The following CACNA2D2 variants were observed in gnomAD, a reference collection of about 807,000 sequenced individuals.
The protein encoded by CACNA2D2 is calcium voltage-gated channel auxiliary subunit alpha2delta 2.
Under a neutral mutation model 166.4 loss-of-function variants are expected in CACNA2D2, and 48 were observed. The observed-to-expected ratio is 0.29, with a 90% CI of 0.23 to 0.37. The LOEUF (loss-of-function observed/expected upper bound fraction) is 0.37. Among genes scored for constraint, CACNA2D2 ranks in the 10% least tolerant of loss-of-function variants. CACNA2D2 has a pLI of 1.00. For synonymous variants in CACNA2D2, 561 were observed against 573.7 expected (o/e 0.98, Z 0.32); for missense variants, 1,122 against 1,433.0 (o/e 0.78, Z 3.50).
chr3:50,413,573 A>G (rs1352507165), intron 3 of CACNA2D2, among the ~76,000 whole-genome samples: 4 of 152,124 alleles, frequency 2.6e-5, no homozygotes, highest in Non-Finnish European at 5.9e-5. Context: ...CTGGCTGAGC[A>G]TGGTGGCTCA....
intron 1 of CACNA2D2, among the ~76,000 whole-genome samples, chr3:50,495,755 G>A (rs558332528): frequency 6.6e-6 from 1 of 152,250 alleles, no homozygotes; most frequent in African/African-American, 2.4e-5. Context: ...AGGGAAAAGT[G>A]CCAGCCCAAG....
At chr3:50,396,705 G>A (rs1359832528) in intron 3 of CACNA2D2, among the ~76,000 whole-genome samples, 3 of 129,102 alleles carry the variant, frequency 2.3e-5, no homozygotes, top group East Asian at 1.9e-4. Flanking sequence ...CCCGGAGGCT[G>A]TGTAAAGCCT....
intron 21 of CACNA2D2, 114 bp from the exon 22 acceptor site, chr3:50,374,927 C>T: frequency 1.2e-6 from 1 of 821,396 alleles, no homozygotes; most frequent in Non-Finnish European, 2.0e-6. Context: ...CCTCCTCCCA[C>T]CACCAGGGAC....
chr3:50,430,085 C>T (rs985977421), intron 3 of CACNA2D2, among the ~76,000 whole-genome samples: 5 of 152,152 alleles, frequency 3.3e-5, no homozygotes, highest in African/African-American at 1.2e-4. Flanking sequence ...AGATTCCTAG[C>T]GGGGCCTCCC....
At chr3:50,409,267 T>TA (rs1293541075) in intron 3 of CACNA2D2, among the ~76,000 whole-genome samples, 1 of 152,126 alleles carries the variant, frequency 6.6e-6, no homozygotes, top group Admixed American at 6.5e-5. Context: ...GGGCTGGAGG[T>TA]AGAGTCAGAC....
At chr3:50,388,608 C>G (rs1340370842) in intron 4 of CACNA2D2, among the ~76,000 whole-genome samples, 1 of 152,232 alleles carries the variant, frequency 6.6e-6, no homozygotes, top group Admixed American at 6.5e-5. Flanking sequence ...CCAGCACTCA[C>G]ACCACCAGCG....
intron 3 of CACNA2D2, among the ~76,000 whole-genome samples, chr3:50,411,027 C>G (rs1406569101): frequency 1.3e-5 from 2 of 152,200 alleles, no homozygotes; most frequent in Non-Finnish European, 2.9e-5. Flanking sequence ...CAGAACTCCC[C>G]TCCTGAGGCA....
chr3:50,448,826 G>T (rs1377524507), intron 2 of CACNA2D2, among the ~76,000 whole-genome samples: 2 of 152,130 alleles, frequency 1.3e-5, no homozygotes, highest in Non-Finnish European at 2.9e-5. Flanking sequence ...ACACTGTGCT[G>T]GTGCCCGCTT....
chr3:50,503,811 T>C (rs1030059340), upstream of CACNA2D2, among the ~76,000 whole-genome samples: 1 of 148,096 alleles, frequency 6.8e-6, no homozygotes. Flanking sequence ...GCCCGAATCC[T>C]GCCCTACTGG....
At chr3:50,464,077 C>T (rs1480225626) in intron 2 of CACNA2D2, among the ~76,000 whole-genome samples, 1 of 152,224 alleles carries the variant, frequency 6.6e-6, no homozygotes, top group Non-Finnish European at 1.5e-5. Context: ...AGAACTCCCT[C>T]CATCACCCAG....
Position 50,373,379 on chromosome 3 carries a change from G to A in CACNA2D2, c.1984+1358C>T, listed in dbSNP as rs1056252389. On this transcript the variant is annotated intron_variant, in intron 22 of 37. Transcript: ENST00000424201. Reference sequence around the variant, plus strand: ...AGCCTCCCTCCCAGTGACCTCGGGCGTGGTGGGCAGGCAGGGCCACAGGCT... The same window carrying A: ...AGCCTCCCTCCCAGTGACCTCGGGCATGGTGGGCAGGCAGGGCCACAGGCT... Among the ~76,000 whole-genome samples, 11 of 149,906 alleles carry A rather than the reference G, an allele frequency of 7.3e-5. No homozygotes were observed. In the South Asian group the frequency reaches 1.1e-3, roughly 15 times the overall value.
At chr3:50,436,665 G>A (rs1255428402) in intron 2 of CACNA2D2, among the ~76,000 whole-genome samples, 1 of 152,242 alleles carries the variant, frequency 6.6e-6, no homozygotes, top group Non-Finnish European at 1.5e-5. Context: ...CATGCCTTGA[G>A]CAGCCTGTGC....
At chr3:50,411,153 C>T (rs1029560025) in intron 3 of CACNA2D2, among the ~76,000 whole-genome samples, 1 of 152,218 alleles carries the variant, frequency 6.6e-6, no homozygotes, top group African/African-American at 2.4e-5. Context: ...AATGGAGCTT[C>T]TTGGCTATGA....
rs1374857543 is a variant in CACNA2D2, at chr3:50,365,400, T to C, written c.3054A>G (p.Val1018=). The C allele has an allele frequency of 4.3e-6, 7 of 1,613,484 alleles. No individual in the cohort carries two copies. Among genetic ancestry groups the C allele is most frequent in the Non-Finnish European group, 5.1e-6 (6 of 1,179,870 alleles). Residue 1018 remains valine, a synonymous_variant, in exon 35 of 38, where the codon GTA becomes GTG. Coordinates refer to ENST00000424201, the MANE Select transcript of CACNA2D2 (RefSeq NM_006030.4). The surrounding 1 kb of genome is among the most constrained non-coding windows in gnomAD (Gnocchi z 4.5). ...MKQTQYYFGS[V]NASYNAIIDC... Reference sequence around the variant, plus strand: ...CGATGATGGCGTTGTAGGAGGCGTTTACCGAGCCGAAGTAGTACTGGGTCT... The same window carrying C: ...CGATGATGGCGTTGTAGGAGGCGTTCACCGAGCCGAAGTAGTACTGGGTCT...
At position 50,488,289 on chromosome 3, in the gene CACNA2D2, T is replaced by C. The variant is rs1698375724; in HGVS notation, c.207-12090A>G. 2.0e-5 allele frequency among the ~76,000 whole-genome samples: 3 copies of C among 151,994 alleles called. No homozygotes were observed. In the South Asian group the frequency reaches 6.3e-4, roughly 32 times the overall value. Reference sequence around the variant, plus strand: ...AGTACATGGGAGCACCTCCACACACTGGATGGAAGGGCAGTGAGACGGCTG... The same window carrying C: ...AGTACATGGGAGCACCTCCACACACCGGATGGAAGGGCAGTGAGACGGCTG... On this transcript the variant is annotated intron_variant, in intron 1 of 37. Coordinates refer to ENST00000424201, the MANE Select transcript of CACNA2D2 (RefSeq NM_006030.4).
chr3:50,457,660 C>T (rs747615451), intron 2 of CACNA2D2, among the ~76,000 whole-genome samples: 55 of 152,192 alleles, frequency 3.6e-4, no homozygotes, highest in Non-Finnish European at 7.3e-4. Context: ...CGTACCTCTG[C>T]CACTGCCTCA....
At chr3:50,439,097 T>C (rs951270358) in intron 2 of CACNA2D2, among the ~76,000 whole-genome samples, 11 of 152,232 alleles carry the variant, frequency 7.2e-5, no homozygotes, top group Non-Finnish European at 1.3e-4. Flanking sequence ...CTTTAGGTCA[T>C]ACTCTTTGTA....
At chr3:50,488,591 C>G (rs2107146738) in intron 1 of CACNA2D2, among the ~76,000 whole-genome samples, 1 of 145,966 alleles carries the variant, frequency 6.9e-6, no homozygotes, top group South Asian at 2.3e-4. Flanking sequence ...CCCCACACCT[C>G]TTCCCCCAGC....
chr3:50,382,033 C>T (rs1298856917), intron 6 of CACNA2D2, among the ~76,000 whole-genome samples: 1 of 150,898 alleles, frequency 6.6e-6, no homozygotes, highest in Non-Finnish European at 1.5e-5. Flanking sequence ...AACAAGGCTC[C>T]TCTCAGAGAA....
Sources: allele counts gnomAD v4.1 joint callset (sites outside exome capture counted in the v4.1 genomes callset), GRCh38; gene constraint gnomAD v4.1.1; non-coding constraint Gnocchi (gnomAD v3.1); transcripts MANE v1.5; gene names NCBI Gene and HGNC (gene_info 2026-07-23, HGNC 2026-07-21).